The following TCEANC2 variants were observed in gnomAD, a reference collection of about 807,000 sequenced individuals.
TCEANC2 encodes the protein transcription elongation factor A N-terminal and central domain containing 2.
In TCEANC2, 20 loss-of-function variants were observed where a neutral mutation model predicts 22.8. That is an observed-to-expected ratio of 0.88 (90% CI 0.62 to 1.28). The LOEUF (loss-of-function observed/expected upper bound fraction) is 1.28, where lower values mean the gene tolerates loss of function less well. TCEANC2 is among the 50% of genes most tolerant of loss of function. The pLI is 0.00. For synonymous variants in TCEANC2, 84 were observed against 95.5 expected (o/e 0.88, Z 0.70); for missense variants, 251 against 249.7 (o/e 1.01, Z -0.03).
chr1:54,097,826 A>G lies in TCEANC2; in HGVS notation c.*1353A>G, dbSNP rs1438478108. The stretch of plus-strand genomic sequence containing the variant: ...TCACTGAACAGAAACATCACCTTCA[A>G]TTTCCTACTGCTAGTAACTATTGGA... On this transcript the variant is annotated 3_prime_UTR_variant, in exon 5 of 5. Transcript: ENST00000234827. 2.0e-5 allele frequency: 3 copies of G among 152,170 alleles called. No homozygotes were observed. The highest frequency in any genetic ancestry group is 4.8e-5 in the African/African-American group (2 of 41,430). The allele number at this position is 152,170 out of a possible 1,614,324, so 9.4% of individuals were successfully genotyped here. A position where few individuals can be genotyped will look rare whatever the true frequency, so the allele number is the denominator to read the frequency against.
At chr1:54,076,983 A>T (rs1426918508) in intron 3 of TCEANC2, among the ~76,000 whole-genome samples, 1 of 130,402 alleles carries the variant, frequency 7.7e-6, no homozygotes, top group Non-Finnish European at 1.5e-5. Context: ...GAGAGATGAC[A>T]TTTGAGCAGA....
At position 54,099,631 on chromosome 1, in the gene TCEANC2, C is replaced by T. The variant is rs1442539982; in HGVS notation, c.*3158C>T. 6.6e-6 allele frequency: 1 copy of T among 151,434 alleles called. No individual in the cohort carries two copies. The highest frequency in any genetic ancestry group is 1.5e-5 in the Non-Finnish European group (1 of 67,972). The allele number at this position is 151,434 out of a possible 1,614,324, so 9.4% of individuals were successfully genotyped here. The stretch of plus-strand genomic sequence containing the variant: ...TGATGGCAGGCGCCTGTAATCCCAG[C>T]TACTTGGAAGGCTGAGGTATGAGAA... On this transcript the variant is annotated 3_prime_UTR_variant, in exon 5 of 5. Coordinates refer to ENST00000234827, the MANE Select transcript of TCEANC2 (RefSeq NM_153035.3).
intron 4 of TCEANC2, chr1:54,089,856 A>T: frequency 3.5e-6 from 2 of 572,214 alleles, no homozygotes. Flanking sequence ...CACCTTCACC[A>T]TGTTCCTCTT....
intron 4 of TCEANC2, among the ~76,000 whole-genome samples, chr1:54,089,166 G>C (rs1348364316): frequency 6.6e-6 from 1 of 152,194 alleles, no homozygotes; most frequent in Admixed American, 6.5e-5. Flanking sequence ...GTATTAAAAA[G>C]GTTAAATGAA....
At chr1:54,070,454 C>A (rs1213955405) in intron 3 of TCEANC2, among the ~76,000 whole-genome samples, 1 of 152,030 alleles carries the variant, frequency 6.6e-6, no homozygotes, top group Non-Finnish European at 1.5e-5. Context: ...AAAATAATTT[C>A]TATTTGGTGT....
At chr1:54,070,996 G>A (rs1323303486) in intron 3 of TCEANC2, among the ~76,000 whole-genome samples, 1 of 152,194 alleles carries the variant, frequency 6.6e-6, no homozygotes, top group Non-Finnish European at 1.5e-5. Context: ...AATGTGTCAG[G>A]CCGGGGCACA....
intron 2 of TCEANC2, among the ~76,000 whole-genome samples, chr1:54,058,942 A>C (rs1469750880): frequency 6.6e-6 from 1 of 152,170 alleles, no homozygotes; most frequent in African/African-American, 2.4e-5. Flanking sequence ...GGCGTGAGCC[A>C]CTGTGCCCAG....
rs1333683371 is a variant in TCEANC2 at position 54,100,675 on chromosome 1, T to C, written c.*4202T>C. ...CTAGTTTCAGTAAAGGCAAATAATA[T>C]GAGGTGGCTGAAGCATAAGGTTCTT... On this transcript the variant is annotated 3_prime_UTR_variant, in exon 5 of 5. Coordinates refer to ENST00000234827, the MANE Select transcript of TCEANC2 (RefSeq NM_153035.3). 6.6e-6 allele frequency: 1 copy of C among 151,996 alleles called. No homozygotes were observed. Among genetic ancestry groups the C allele is most frequent in the Non-Finnish European group, 1.5e-5 (1 of 68,004 alleles). 9.4% of individuals were successfully genotyped at this position (151,996 alleles called of 1,614,324 possible).
At chr1:54,094,052 T>C (rs1658498681) in intron 4 of TCEANC2, among the ~76,000 whole-genome samples, 1 of 152,036 alleles carries the variant, frequency 6.6e-6, no homozygotes, top group Non-Finnish European at 1.5e-5. Flanking sequence ...AAACTTGGAG[T>C]CTGGGTTCTA....
At position 54,102,464 on chromosome 1, in the gene TCEANC2, G is replaced by GT. The variant is rs1354654037; in HGVS notation, c.*5993dup. 6.6e-6 allele frequency: 1 copy of GT among 152,226 alleles called. No individual in the cohort carries two copies. Among genetic ancestry groups the GT allele is most frequent in the Non-Finnish European group, 1.5e-5 (1 of 68,036 alleles). The allele number at this position is 152,226 out of a possible 1,614,324, so 9.4% of individuals were successfully genotyped here. ...AGATCATCAGACCATGGATCATCAA[G>GT]TTGACCATGTGACCAAAGCTGTTCA... On this transcript the variant is annotated 3_prime_UTR_variant, in exon 5 of 5. Transcript: ENST00000234827.
At chr1:54,094,659 G>T (rs1184188234) in intron 4 of TCEANC2, among the ~76,000 whole-genome samples, 1 of 152,218 alleles carries the variant, frequency 6.6e-6, no homozygotes, top group African/African-American at 2.4e-5. Flanking sequence ...GGGCCCAAGG[G>T]CTGAGCCTGC....
At chr1:54,069,056 G>A (rs534676212) in intron 3 of TCEANC2, among the ~76,000 whole-genome samples, 159 bp downstream of exon 3, 1 of 152,116 alleles carries the variant, frequency 6.6e-6, no homozygotes, top group South Asian at 2.1e-4. Context: ...TTGGTTGCAG[G>A]CCAATACCTT....
At chr1:54,087,935 G>A (rs60963375) in intron 3 of TCEANC2, among the ~76,000 whole-genome samples, 14,852 of 152,186 alleles carry the variant, frequency 0.098, 1,721 homozygotes, top group African/African-American at 0.28. Flanking sequence ...GACTAACTGG[G>A]TTATTGTTCT....
intron 2 of TCEANC2, among the ~76,000 whole-genome samples, chr1:54,067,765 T>A (rs543317618): frequency 2.0e-5 from 3 of 152,214 alleles, no homozygotes; most frequent in African/African-American, 7.2e-5. Flanking sequence ...ATATAGAAAA[T>A]GCATGTAGAA....
At chr1:54,085,666 T>C (rs1658326623) in intron 3 of TCEANC2, among the ~76,000 whole-genome samples, 1 of 152,202 alleles carries the variant, frequency 6.6e-6, no homozygotes, top group Non-Finnish European at 1.5e-5. Flanking sequence ...AAGTATTTGG[T>C]TGTAATCTAA....
At chr1:54,061,002 C>T (rs542403940) in intron 2 of TCEANC2, among the ~76,000 whole-genome samples, 1 of 151,674 alleles carries the variant, frequency 6.6e-6, no homozygotes, top group East Asian at 1.9e-4. Context: ...GTTTTAGTGC[C>T]CAAAGAAGGC....
rs1043964876 is a variant in TCEANC2 at position 54,102,432 on chromosome 1, T to A, written c.*5959T>A. ...AACTCTTGATGCTACAGGGTTCTGG[T>A]AGAGACAGATCATCAGACCATGGAT... On this transcript the variant is annotated 3_prime_UTR_variant, in exon 5 of 5. Transcript: ENST00000234827. 3 of 152,202 alleles carry A rather than the reference T, an allele frequency of 2.0e-5. No individual in the cohort carries two copies. The highest frequency in any genetic ancestry group is 1.3e-4 in the Admixed American group (2 of 15,274). 9.4% of individuals were successfully genotyped at this position (152,202 alleles called of 1,614,324 possible).
At chr1:54,055,319 G>A (rs1657731047) in intron 2 of TCEANC2, among the ~76,000 whole-genome samples, 1 of 152,198 alleles carries the variant, frequency 6.6e-6, no homozygotes, top group Non-Finnish European at 1.5e-5. Flanking sequence ...TCTGATGTCT[G>A]CAAGCAAGAT....
intron 3 of TCEANC2, among the ~76,000 whole-genome samples, chr1:54,073,468 A>G (rs772832654): frequency 6.6e-5 from 10 of 152,118 alleles, no homozygotes; most frequent in Non-Finnish European, 1.0e-4. Flanking sequence ...TTTCAGCAGC[A>G]TTGCTATTGA....
Sources: gnomAD v4.1 joint callset for allele counts (sites outside exome capture counted in the v4.1 genomes callset) on GRCh38, gnomAD v4.1.1 for gene constraint, MANE v1.5 for transcripts, NCBI Gene and HGNC (gene_info 2026-07-23, HGNC 2026-07-21) for gene names.